The following APPL1 variants were observed in gnomAD, a reference collection of about 807,000 sequenced individuals.
APPL1 encodes the protein adaptor protein, phosphotyrosine interacting with PH domain and leucine zipper 1.
In APPL1, 42 loss-of-function variants were observed where a neutral mutation model predicts 106.8. The observed-to-expected ratio is 0.39, with a 90% CI of 0.31 to 0.51. APPL1 has a LOEUF of 0.51. Among genes scored for constraint, APPL1 ranks in the 20% least tolerant of loss-of-function variants. The pLI is 0.75. For synonymous variants in APPL1, 263 were observed against 281.8 expected, an observed-to-expected ratio of 0.93 and a Z score of 0.67; for missense variants, 769 against 858.2, an observed-to-expected ratio of 0.90 and a Z score of 1.30.
chr3:57,232,215 A>T (rs2107595358), intron 1 of APPL1, among the ~76,000 whole-genome samples: 1 of 152,364 alleles, frequency 6.6e-6, no homozygotes, highest in East Asian at 1.9e-4. Flanking sequence ...CTATGATAGA[A>T]CAGTGAAGAC....
At position 57,250,757 on chromosome 3, in the gene APPL1, T is replaced by TC. The variant is rs1219659874; in HGVS notation, c.1052+1215dup. The stretch of plus-strand genomic sequence containing the variant: ...TAGATGTTTAGACTATCTGCCATTT[T>TC]CCCCCCACTCAATTAAAATACTGCT... On this transcript the variant is annotated intron_variant, in intron 11 of 21. Transcript: ENST00000288266. 2.6e-5 allele frequency among the ~76,000 whole-genome samples: 4 copies of TC among 151,722 alleles called. No individual in the cohort carries two copies. In the East Asian group the frequency reaches 5.8e-4, roughly 22 times the overall value.
rs544062439 is a variant in APPL1, at chr3:57,238,399, A to G, written c.285+283A>G. On this transcript the variant is annotated intron_variant, in intron 4 of 21. Coordinates refer to ENST00000288266, the MANE Select transcript of APPL1 (RefSeq NM_012096.3). ...GTAGGCAGGGAGAGAAGAGTTAGGT[A>G]GTGAACTGCATCTGGGTTCTTTGTG... Among the ~76,000 whole-genome samples the G allele has an allele frequency of 1.9e-4, 29 of 152,364 alleles. 2 individuals are homozygous for G. The South Asian group carries it at 4.8e-3, about 25-fold the overall frequency.
intron 15 of APPL1, among the ~76,000 whole-genome samples, chr3:57,258,329 T>A (rs2060848095): frequency 1.3e-5 from 2 of 152,174 alleles, no homozygotes; most frequent in African/African-American, 2.4e-5. Context: ...AGCTAATTTT[T>A]AAATTTCTTT....
Position 57,236,176 on chromosome 3 carries a change from C to T in APPL1, c.153+512C>T, listed in dbSNP as rs59112237. On this transcript the variant is annotated intron_variant, in intron 2 of 21. Transcript: ENST00000288266. Reference sequence around the variant, plus strand: ...TCTCCTGCCTCAGCCTCTCAAGTAGCTGGGATTACAGGCATGCACCAGCAC... The same window carrying T: ...TCTCCTGCCTCAGCCTCTCAAGTAGTTGGGATTACAGGCATGCACCAGCAC... Among the ~76,000 whole-genome samples, 410 of 151,896 alleles carry T rather than the reference C, an allele frequency of 2.7e-3. 1 individual carries two copies. The highest frequency in any genetic ancestry group is 9.6e-3 in the African/African-American group (399 of 41,412).
intron 2 of APPL1, 150 bp downstream of exon 2, chr3:57,235,814 G>A (rs2060713367): frequency 3.6e-6 from 2 of 547,986 alleles, no homozygotes; most frequent in Non-Finnish European, 3.3e-6. Context: ...TGAACATTGA[G>A]TGTATTACAG....
At position 57,259,916 on chromosome 3, in the gene APPL1, G is replaced by T. The variant is rs781165009; in HGVS notation, c.1555G>T (p.Asp519Tyr). The T allele has an allele frequency of 3.1e-6, 5 of 1,613,624 alleles. No homozygotes were observed. Among genetic ancestry groups the T allele is most frequent in the Non-Finnish European group, 3.4e-6 (4 of 1,179,954 alleles). ...GGAGGTGAAATCAGATGACCATCCAGATGTTGTTTATGAAACTATGCGCCA... is the reference window on the plus strand; with the variant it reads ...GGAGGTGAAATCAGATGACCATCCATATGTTGTTTATGAAACTATGCGCCA... ...SMEVKSDDHP[D>Y]VVYETMRQIL... The change falls in exon 17 of 22, where the codon GAT becomes TAT. Residue 519 changes from aspartate to tyrosine, a missense_variant. By Grantham distance (160) the Asp-to-Tyr change is radical. Transcript: ENST00000288266.
intron 2 of APPL1, 24 bp from the exon 3 acceptor site, chr3:57,237,468 C>A: frequency 6.4e-7 from 1 of 1,574,058 alleles, no homozygotes; most frequent in Admixed American, 1.8e-5. Flanking sequence ...CAGTAATATG[C>A]TAATTTGAAT....
At chr3:57,234,296 C>CTTTTT (rs1212693146) in intron 1 of APPL1, among the ~76,000 whole-genome samples, 6 of 124,186 alleles carry the variant, frequency 4.8e-5, no homozygotes, top group African/African-American at 1.9e-4. Context: ...TATTGACATT[C>CTTTTT]TTTTTTTTTT....
chr3:57,251,246 G>A (rs968490513), intron 11 of APPL1, among the ~76,000 whole-genome samples: 5 of 151,300 alleles, frequency 3.3e-5, no homozygotes, highest in Admixed American at 6.6e-5. Context: ...ACTATAGGCC[G>A]GGCTTGGTGG....
In APPL1 at chr3:57,268,466, TAAAC is replaced by T; in HGVS notation, c.1966_1969del (p.Gln656AsnfsTer13). 6.2e-7 allele frequency: 1 copy of T among 1,604,674 alleles called. No individual in the cohort carries two copies. The highest frequency in any genetic ancestry group is 1.1e-5 in the South Asian group (1 of 90,214). On this transcript the variant is annotated frameshift_variant, in exon 21 of 22. Transcript: ENST00000288266. LOFTEE classifies it high-confidence loss of function. ...AAGAGAAGCAACAGAAAGAACTCAA[TAAAC>T]AAAAACAGATTGAAAAGGTATACAG...
intron 1 of APPL1, chr3:57,230,762 C>T: frequency 2.2e-6 from 1 of 456,620 alleles, no homozygotes; most frequent in Non-Finnish European, 4.5e-6. Context: ...ACTTTTAAAG[C>T]TCATGGTAAG....
intron 19 of APPL1, among the ~76,000 whole-genome samples, chr3:57,263,768 T>G (rs61594431): frequency 0.17 from 25,617 of 150,892 alleles, 2,405 homozygotes; most frequent in African/African-American, 0.21. Context: ...ATCTGTTGTT[T>G]TTTTTTTTTT....
At chr3:57,246,411 G>A (rs1056390368) in intron 8 of APPL1, among the ~76,000 whole-genome samples, 189 bp downstream of exon 8, 1 of 152,110 alleles carries the variant, frequency 6.6e-6, no homozygotes, top group Non-Finnish European at 1.5e-5. Context: ...GGTTTTCCTT[G>A]CAAATGAAGA....
At chr3:57,267,448 T>C (rs1041580119) in intron 19 of APPL1, among the ~76,000 whole-genome samples, 12 of 152,206 alleles carry the variant, frequency 7.9e-5, no homozygotes, top group Non-Finnish European at 1.6e-4. Flanking sequence ...CAGCTGAGAA[T>C]AGCATTAGCA....
At chr3:57,247,813 C>T (rs2060783008) in intron 9 of APPL1, among the ~76,000 whole-genome samples, 1 of 152,080 alleles carries the variant, frequency 6.6e-6, no homozygotes, top group Non-Finnish European at 1.5e-5. Flanking sequence ...AATATTGTTT[C>T]CAAGCCATGA....
rs140147804 is a variant in APPL1, at chr3:57,232,272, T to G, written c.55-3294T>G. The stretch of plus-strand genomic sequence containing the variant: ...TCTTCTGTTTTTGCATAATATGAAT[T>G]AATCATGAGATGTGCCTTTCCTCCC... On this transcript the variant is annotated intron_variant, in intron 1 of 21. Coordinates refer to ENST00000288266, the MANE Select transcript of APPL1 (RefSeq NM_012096.3). 2.8e-3 allele frequency among the ~76,000 whole-genome samples: 434 copies of G among 152,362 alleles called. 2 individuals are homozygous for G. Among genetic ancestry groups the G allele is most frequent in the African/African-American group, 9.9e-3 (410 of 41,580 alleles).
At chr3:57,232,884 C>G (rs1203182136) in intron 1 of APPL1, among the ~76,000 whole-genome samples, 1 of 152,056 alleles carries the variant, frequency 6.6e-6, no homozygotes, top group African/African-American at 2.4e-5. Context: ...CACCTGTAGT[C>G]CCAGCTACAC....
At chr3:57,243,017 G>A in intron 7 of APPL1, 103 bp downstream of exon 7, 3 of 779,150 alleles carry the variant, frequency 3.9e-6, no homozygotes, top group Non-Finnish European at 6.3e-6. Flanking sequence ...TGTATGTTTT[G>A]TTATATTACT....
Position 57,242,089 on chromosome 3 carries a change from G to T in APPL1, c.374-12G>T. 2 of 1,572,644 alleles carry T rather than the reference G, an allele frequency of 1.3e-6. 1 individual carries two copies. Among genetic ancestry groups the T allele is most frequent in the South Asian group, 2.3e-5 (2 of 86,692 alleles). ...AATGTGCCAAACTTAAATTATTCTT[G>T]AACTTTTTCAGAAATACTAACATTA... On this transcript the variant is annotated splice_polypyrimidine_tract_variant and intron_variant, in intron 5 of 21. Transcript: ENST00000288266.
Sources: gnomAD v4.1 joint callset for allele counts (sites outside exome capture counted in the v4.1 genomes callset) on GRCh38, gnomAD v4.1.1 for gene constraint, MANE v1.5 for transcripts, NCBI Gene and HGNC (gene_info 2026-07-23, HGNC 2026-07-21) for gene names.